Variants in ZNF609 observed in about 807,000 individuals in gnomAD.
ZNF609 encodes zinc finger protein 609.
In ZNF609, 11 loss-of-function variants were observed where a neutral mutation model predicts 109.5. That is an observed-to-expected ratio of 0.10 (90% CI 0.06 to 0.17). The LOEUF is 0.17. ZNF609 is among the 10% of genes least tolerant of loss of function. The pLI is 1.00. For missense variants in ZNF609, 1,559 were observed against 1,772.4 expected, an observed-to-expected ratio of 0.88 and a Z score of 2.16; for synonymous variants, 646 against 662.0, an observed-to-expected ratio of 0.98 and a Z score of 0.37.
intron 2 of ZNF609, among the ~76,000 whole-genome samples, chr15:64,567,820 C>G (rs947681557): frequency 6.6e-6 from 1 of 152,012 alleles, no homozygotes; most frequent in African/African-American, 2.4e-5. Flanking sequence ...TGCCACCACA[C>G]CCGACTAATT....
At chr15:64,652,852 CATT>C (rs1896438979) in intron 3 of ZNF609, 1 of 152,764 alleles carries the variant, frequency 6.5e-6, no homozygotes, top group Admixed American at 6.5e-5. Context: ...ATTTTTCTAT[CATT>C]ATGCCATATT....
chr15:64,541,987 T>TA (rs1256232710), intron 2 of ZNF609, among the ~76,000 whole-genome samples: 1 of 152,038 alleles, frequency 6.6e-6, no homozygotes, highest in East Asian at 1.9e-4. Context: ...TTCTTCCCTT[T>TA]AAAAAATAGG....
At chr15:64,479,521 G>A (rs1258371225) in intron 1 of ZNF609, among the ~76,000 whole-genome samples, 1 of 151,692 alleles carries the variant, frequency 6.6e-6, no homozygotes, top group Non-Finnish European at 1.5e-5. Context: ...TCTATCTCCT[G>A]ACCTTGTGAT....
At chr15:64,648,935 A>G (rs1398143163) in intron 3 of ZNF609, among the ~76,000 whole-genome samples, 1 of 152,048 alleles carries the variant, frequency 6.6e-6, no homozygotes, top group Non-Finnish European at 1.5e-5. Flanking sequence ...AAGGTCTAGG[A>G]TGCTTCTAAT....
At chr15:64,650,955 G>A (rs1395338239) in intron 3 of ZNF609, among the ~76,000 whole-genome samples, 10 of 152,068 alleles carry the variant, frequency 6.6e-5, no homozygotes, top group Admixed American at 6.6e-4. Context: ...TTTGTTACTG[G>A]CCCGGCAGAG....
intron 2 of ZNF609, among the ~76,000 whole-genome samples, chr15:64,514,125 TCTCTGGCTTC>T (rs1893774600): frequency 6.6e-6 from 1 of 151,486 alleles, no homozygotes; most frequent in Non-Finnish European, 1.5e-5. Flanking sequence ...AAATCTCCTA[TCTCTGGCTTC>T]CTCCAGAGCA....
intron 3 of ZNF609, among the ~76,000 whole-genome samples, chr15:64,663,906 A>C (rs1896612096): frequency 6.6e-6 from 1 of 152,072 alleles, no homozygotes; most frequent in Non-Finnish European, 1.5e-5. Context: ...TTTGGGATTG[A>C]GTTTGTCTCA....
intron 2 of ZNF609, among the ~76,000 whole-genome samples, chr15:64,516,144 T>C: frequency 6.6e-6 from 1 of 152,310 alleles, no homozygotes; most frequent in East Asian, 1.9e-4. Flanking sequence ...ACTAAAATTT[T>C]CAGATCTCTT....
chr15:64,657,814 G>T (rs1313950554), intron 3 of ZNF609, among the ~76,000 whole-genome samples: 2 of 152,154 alleles, frequency 1.3e-5, no homozygotes, highest in Non-Finnish European at 2.9e-5. Flanking sequence ...GGCAGAATGG[G>T]CAGGTCATGG....
At chr15:64,582,796 G>T (rs1895131710) in intron 2 of ZNF609, among the ~76,000 whole-genome samples, 1 of 106,492 alleles carries the variant, frequency 9.4e-6, no homozygotes, top group African/African-American at 3.5e-5. Context: ...TTGTCACCCA[G>T]GATGGAGTGC....
chr15:64,534,758 T>C (rs1004434765), intron 2 of ZNF609, among the ~76,000 whole-genome samples: 1 of 151,944 alleles, frequency 6.6e-6, no homozygotes, highest in African/African-American at 2.4e-5. Context: ...TTAGGCCCGG[T>C]GCAGTGGCTC....
chr15:64,484,510 T>C (rs554037177), intron 1 of ZNF609, among the ~76,000 whole-genome samples: 1 of 151,694 alleles, frequency 6.6e-6, no homozygotes, highest in Admixed American at 6.6e-5. Context: ...ACCCCGTCTC[T>C]ACTAAAAATA....
chr15:64,654,262 C>G (rs1006145259), intron 3 of ZNF609: 6 of 152,116 alleles, frequency 3.9e-5, no homozygotes, highest in African/African-American at 1.4e-4. Flanking sequence ...GTCTCAAACT[C>G]CTGACTTCAG....
At chr15:64,523,549 G>A (rs1893924013) in intron 2 of ZNF609, among the ~76,000 whole-genome samples, 1 of 152,066 alleles carries the variant, frequency 6.6e-6, no homozygotes. Context: ...GCTGAGGCGG[G>A]AGGATCAGGA....
chr15:64,547,483 G>A (rs1234937779), intron 2 of ZNF609, among the ~76,000 whole-genome samples: 1 of 152,172 alleles, frequency 6.6e-6, no homozygotes, highest in African/African-American at 2.4e-5. Flanking sequence ...ATGGCAGATG[G>A]GAAACAAGGC....
chr15:64,499,790 G>T lies in ZNF609; in HGVS notation c.371G>T (p.Arg124Leu), dbSNP rs369004534. ...GAASKKEVQG[R>L]SGDGANAGGL... Reference sequence around the variant, plus strand: ...GCTAGCAAGAAAGAGGTGCAGGGGCGCTCAGGAGATGGTGCCAATGCTGGA... The same window carrying T: ...GCTAGCAAGAAAGAGGTGCAGGGGCTCTCAGGAGATGGTGCCAATGCTGGA... The change falls in exon 2 of 10, where the codon CGC (arginine) becomes CTC (leucine). Residue 124 changes from arginine to leucine, a missense_variant. Physicochemically the swap from Arg to Leu is moderately radical, Grantham distance 102. Coordinates refer to ENST00000326648, the MANE Select transcript of ZNF609 (RefSeq NM_015042.2). 7 of 1,613,944 alleles carry T rather than the reference G, an allele frequency of 4.3e-6. No homozygotes were observed. In the African/African-American group the frequency reaches 8.0e-5, roughly 18 times the overall value.
intron 1 of ZNF609, among the ~76,000 whole-genome samples, chr15:64,468,597 G>T (rs566705576): frequency 1.2e-4 from 19 of 152,060 alleles, no homozygotes; most frequent in African/African-American, 4.6e-4. Flanking sequence ...ACTATGTTGT[G>T]TGCCACTGCA....
At chr15:64,470,388 A>G (rs936366915) in intron 1 of ZNF609, 1 of 151,968 alleles carries the variant, frequency 6.6e-6, no homozygotes, top group African/African-American at 2.4e-5. Flanking sequence ...CGTTGATGAC[A>G]TTTGCCGAAG....
intron 1 of ZNF609, among the ~76,000 whole-genome samples, chr15:64,479,112 C>T (rs912156523): frequency 6.6e-6 from 1 of 151,956 alleles, no homozygotes; most frequent in Non-Finnish European, 1.5e-5. Context: ...AGTTTCGTAA[C>T]ACTATCTGAC....
Sources: gnomAD v4.1 joint callset for allele counts (sites outside exome capture counted in the v4.1 genomes callset) on GRCh38, gnomAD v4.1.1 for gene constraint, MANE v1.5 for transcripts, NCBI Gene and HGNC (gene_info 2026-07-23, HGNC 2026-07-21) for gene names.